The following GPR35 variants were observed in gnomAD, a reference collection of about 807,000 sequenced individuals.
GPR35 encodes KYNA receptor.
For missense variants in GPR35, 372 were observed against 422.5 expected, an observed-to-expected ratio of 0.88 and a Z score of 1.05; for synonymous variants, 207 against 198.4, an observed-to-expected ratio of 1.04 and a Z score of -0.36.
At chr2:240,623,355 AGGTCGT>A (rs1241660134), upstream of GPR35, among the ~76,000 whole-genome samples, 33 of 138,866 alleles carry the variant, frequency 2.4e-4, 1 homozygote, top group Non-Finnish European at 4.3e-4. Flanking sequence ...GGGCGCAAAC[AGGTCGT>A]GAGGGCGCAA....
At chr2:240,606,107 T>G (rs1172897448) in intron 1 of GPR35, among the ~76,000 whole-genome samples, 1 of 152,156 alleles carries the variant, frequency 6.6e-6, no homozygotes, top group Non-Finnish European at 1.5e-5. Context: ...CCAGCAGGTA[T>G]AGCCAGTGTC....
Position 240,630,063 on chromosome 2 carries a change from C to T in GPR35, c.111C>T (p.Leu37=). 3.1e-6 allele frequency: 5 copies of T among 1,612,164 alleles called. No individual in the cohort carries two copies. Among genetic ancestry groups the T allele is most frequent in the Non-Finnish European group, 4.2e-6 (5 of 1,179,960 alleles). Residue 37 remains leucine (L), a synonymous_variant, in exon 2 of 2, where the codon CTC becomes CTT. Transcript: ENST00000407714. The part of the protein sequence containing the change: ...LGVLLVLGLL[L]NSLALWVFCC... ...TCCTGCTGGTGCTAGGCCTGCTGCT[C>T]AACAGCCTGGCGCTCTGGGTGTTCT... is the stretch of plus-strand genomic sequence containing the variant.
intron 4 of GPR35, chr2:240,617,475 A>T (rs1442903869): frequency 1.9e-6 from 1 of 517,782 alleles, no homozygotes; most frequent in Admixed American, 3.3e-5. Context: ...AGTTTCATTC[A>T]TCCATCAGGG....
intron 2 of GPR35, among the ~76,000 whole-genome samples, chr2:240,613,086 CAAG>C (rs2043201731): frequency 6.6e-6 from 1 of 152,174 alleles, no homozygotes; most frequent in African/African-American, 2.4e-5. Context: ...TAACCCCAGA[CAAG>C]GAGTGAGGCA....
chr2:240,614,550 C>T (rs1052869882), intron 2 of GPR35, among the ~76,000 whole-genome samples: 10 of 152,216 alleles, frequency 6.6e-5, no homozygotes, highest in East Asian at 5.8e-4. Context: ...CCACCTGAGC[C>T]GTTGGAACAG....
At chr2:240,623,187 C>T (rs901475206), upstream of GPR35, among the ~76,000 whole-genome samples, 7 of 152,106 alleles carry the variant, frequency 4.6e-5, no homozygotes, top group Non-Finnish European at 7.3e-5. Context: ...GCCAGGGCCC[C>T]GACAGGGCAG....
chr2:240,620,250 G>T (rs1402745680), intron 5 of GPR35, among the ~76,000 whole-genome samples: 3 of 152,146 alleles, frequency 2.0e-5, no homozygotes, highest in African/African-American at 7.2e-5. Context: ...AGGGGCTGGG[G>T]TCACCTGCCC....
exon 5 of GPR35, chr2:240,618,957 C>A: frequency 1.4e-6 from 1 of 702,744 alleles, no homozygotes; most frequent in Non-Finnish European, 2.6e-6. Context: ...TGAGTGGTTC[C>A]CGGGCTGTCC....
chr2:240,616,367 G>A (rs12052926), intron 2 of GPR35: 11 of 746,792 alleles, frequency 1.5e-5, no homozygotes, highest in Middle Eastern at 2.4e-4. Context: ...TTCCTCCTCC[G>A]TCTCTCTATT....
exon 3 of GPR35, chr2:240,616,473 G>A (rs2125478863): frequency 3.8e-6 from 3 of 780,772 alleles, no homozygotes; most frequent in Non-Finnish European, 7.2e-6. Flanking sequence ...CCAATCTCCT[G>A]TCGACTGCGA....
At chr2:240,622,176 G>A (rs769756277), upstream of GPR35, among the ~76,000 whole-genome samples, 59 of 152,280 alleles carry the variant, frequency 3.9e-4, no homozygotes, top group Admixed American at 9.8e-4. Context: ...CACCGCGTCC[G>A]GCCAAGGGTA....
intron 4 of GPR35, chr2:240,618,740 C>A (rs1427075830): frequency 2.3e-6 from 1 of 438,156 alleles, no homozygotes; most frequent in Non-Finnish European, 4.0e-6. Flanking sequence ...GCTTATCTTT[C>A]CATTTGTAAA....
chr2:240,615,763 CAG>C lies in GPR35; in HGVS notation c.-576-624_-576-623del, dbSNP rs569634293. Among the ~76,000 whole-genome samples the C allele has an allele frequency of 8.5e-5, 13 of 152,342 alleles. No individual in the cohort carries two copies. The East Asian group carries it at 2.5e-3, about 29-fold the overall frequency. On this transcript the variant is annotated intron_variant, in intron 2 of 5. Transcript: ENST00000319838. ...TGAACCTTTCCTTAATTGCAACAAA[CAG>C]GAGTTAACTTTTACATTTTCTCTAC...
chr2:240,623,382 A>AGGGCGCAAACAGGTCGT (rs2125483845), upstream of GPR35, among the ~76,000 whole-genome samples: 1 of 116,228 alleles, frequency 8.6e-6, no homozygotes, highest in African/African-American at 2.9e-5. Flanking sequence ...ACAGGTCGTG[A>AGGGCGCAAACAGGTCGT]GGGCGCAAAC....
chr2:240,614,396 C>T (rs1002615782), intron 2 of GPR35, among the ~76,000 whole-genome samples: 4 of 152,212 alleles, frequency 2.6e-5, no homozygotes, highest in East Asian at 3.8e-4. Context: ...AATGTCAGAC[C>T]TCACCTTAAC....
At chr2:240,614,866 TGTA>T (rs1297383301) in intron 2 of GPR35, among the ~76,000 whole-genome samples, 2 of 151,578 alleles carry the variant, frequency 1.3e-5, no homozygotes, top group East Asian at 3.9e-4. Flanking sequence ...TGTATGTATA[TGTA>T]GTATCTATAT....
At position 240,630,548 on chromosome 2, in the gene GPR35, C is replaced by T. The variant is rs1227369320; in HGVS notation, c.596C>T (p.Ala199Val). The T allele has an allele frequency of 6.2e-7, 1 of 1,612,872 alleles. No homozygotes were observed. Among genetic ancestry groups the T allele is most frequent in the Admixed American group, 1.7e-5 (1 of 60,026 alleles). ...TCCCTGAAGGTGGTGACTGCCCTGG[C>T]CCAGAGGCCACCCACCGACGTGGGG... ...FCSLKVVTAL[A>V]QRPPTDVGQA... Residue 199 changes from alanine (A) to valine (V), a missense_variant, in exon 2 of 2, where the codon GCC (alanine) becomes GTC (valine). Physicochemically the swap from Ala to Val is moderately conservative, Grantham distance 64 (BLOSUM62 0). Coordinates refer to ENST00000407714, the MANE Select transcript of GPR35 (RefSeq NM_005301.5).
intron 2 of GPR35, among the ~76,000 whole-genome samples, chr2:240,615,269 C>T (rs2043227620): frequency 6.6e-6 from 1 of 152,186 alleles, no homozygotes. Flanking sequence ...CCCAAAAGCC[C>T]CTTGCCGAGT....
chr2:240,612,696 G>A (rs563050957), intron 2 of GPR35, among the ~76,000 whole-genome samples: 16 of 152,358 alleles, frequency 1.1e-4, no homozygotes, highest in South Asian at 2.1e-4. Context: ...GGCCTGAGCC[G>A]CACACGGCTC....
Sources: allele counts gnomAD v4.1 joint callset (sites outside exome capture counted in the v4.1 genomes callset), GRCh38; gene constraint gnomAD v4.1.1; transcripts MANE v1.5; gene names NCBI Gene and HGNC (gene_info 2026-07-23, HGNC 2026-07-21).